The following CCNY variants were observed in gnomAD, a reference collection of about 807,000 sequenced individuals.
CCNY encodes the protein cyclin Y.
In CCNY, 19 loss-of-function variants were observed where a neutral mutation model predicts 42.8. That is an observed-to-expected ratio of 0.44 (90% CI 0.31 to 0.65). CCNY has a LOEUF of 0.65. CCNY is among the 30% of genes least tolerant of loss of function. CCNY has a pLI of 0.07. For missense variants in CCNY, 370 were observed against 437.3 expected (o/e 0.85, Z 1.37); for synonymous variants, 165 against 162.7 (o/e 1.01, Z -0.11).
chr10:35,257,971 C>T (rs1160443769), intron 3 of CCNY, among the ~76,000 whole-genome samples: 1 of 152,156 alleles, frequency 6.6e-6, no homozygotes, highest in Non-Finnish European at 1.5e-5. Flanking sequence ...TTTCCACTGT[C>T]TTTTCTTTAA....
At chr10:35,323,181 G>A (rs182602867) in intron 3 of CCNY, among the ~76,000 whole-genome samples, 30 of 152,124 alleles carry the variant, frequency 2.0e-4, no homozygotes, top group Non-Finnish European at 1.2e-4. Context: ...TGCCCGCCTC[G>A]GCCTCCCAAA....
In CCNY at chr10:35,442,829, G is replaced by A. The variant is rs2135298681; in HGVS notation, c.155-40575G>A. ...TTCTAAGAAGTGCTTTCTGAGAAAT[G>A]TCTCATTAAGTGATTTCGTCATTGT... On this transcript the variant is annotated intron_variant, in intron 1 of 9. Transcript: ENST00000374704. 2.6e-5 allele frequency among the ~76,000 whole-genome samples: 4 copies of A among 152,272 alleles called. 1 individual carries two copies. The South Asian group carries it at 8.3e-4, about 32-fold the overall frequency.
intron 8 of CCNY, among the ~76,000 whole-genome samples, chr10:35,554,309 A>AG (rs1196378059): frequency 1.3e-5 from 2 of 152,150 alleles, no homozygotes; most frequent in Non-Finnish European, 2.9e-5. Context: ...TTATGTTCTT[A>AG]GGGCATTTGT....
At chr10:35,536,222 C>T (rs1840884162) in intron 7 of CCNY, among the ~76,000 whole-genome samples, 1 of 152,120 alleles carries the variant, frequency 6.6e-6, no homozygotes, top group Non-Finnish European at 1.5e-5. Flanking sequence ...ATTTTTGCAT[C>T]CTTCTTATTT....
rs192549540 is a variant in CCNY at position 35,286,091 on chromosome 10, C to G, written c.-9+35465C>G. 6.8e-3 allele frequency among the ~76,000 whole-genome samples: 1,032 copies of G among 152,206 alleles called. 11 individuals are homozygous for G. Among genetic ancestry groups the G allele is most frequent in the African/African-American group, 0.024 (986 of 41,520 alleles). On this transcript the variant is annotated intron_variant, in intron 3 of 11. Transcript: ENST00000374706. ...TCTCTCAAAGTGCTGGGATTACAGGCGTGAACCACCACGCCTGGCCTGGAT... is the reference window on the plus strand; with the variant it reads ...TCTCTCAAAGTGCTGGGATTACAGGGGTGAACCACCACGCCTGGCCTGGAT...
intron 7 of CCNY, among the ~76,000 whole-genome samples, chr10:35,548,060 C>G (rs1169643634): frequency 6.6e-6 from 1 of 152,072 alleles, no homozygotes; most frequent in Non-Finnish European, 1.5e-5. Flanking sequence ...GGGTTAGAGG[C>G]ATGGAACCCT....
chr10:35,450,271 A>G (rs891046146), intron 1 of CCNY, among the ~76,000 whole-genome samples: 1 of 152,042 alleles, frequency 6.6e-6, no homozygotes, highest in Non-Finnish European at 1.5e-5. Context: ...GGGCTGCTCA[A>G]CTTTGAGAGC....
chr10:35,312,747 C>CCTT (rs1835702818), intron 3 of CCNY, among the ~76,000 whole-genome samples: 1 of 112,158 alleles, frequency 8.9e-6, no homozygotes, highest in African/African-American at 3.5e-5. Context: ...TTCCTTTTTA[C>CCTT]TTTTTTTTTT....
intron 1 of CCNY, among the ~76,000 whole-genome samples, chr10:35,476,152 A>G (rs941603063): frequency 2.1e-4 from 32 of 152,214 alleles, no homozygotes; most frequent in African/African-American, 7.2e-4. Flanking sequence ...TGAGTGACCT[A>G]CAAAGAGACT....
At chr10:35,493,774 G>A (rs1000455330) in intron 2 of CCNY, among the ~76,000 whole-genome samples, 1 of 152,198 alleles carries the variant, frequency 6.6e-6, no homozygotes, top group South Asian at 2.1e-4. Context: ...GAGATTGTCA[G>A]GAGGACTAAA....
chr10:35,277,811 T>G (rs1835256337), intron 3 of CCNY, among the ~76,000 whole-genome samples: 1 of 152,080 alleles, frequency 6.6e-6, no homozygotes, highest in African/African-American at 2.4e-5. Context: ...GCAGTGGTAT[T>G]CAGGGGGGAT....
At chr10:35,473,228 C>T (rs955401239) in intron 1 of CCNY, among the ~76,000 whole-genome samples, 2 of 152,192 alleles carry the variant, frequency 1.3e-5, no homozygotes, top group South Asian at 2.1e-4. Flanking sequence ...TGTCTCTGTC[C>T]CTCCCGGAGG....
intron 3 of CCNY, among the ~76,000 whole-genome samples, chr10:35,508,371 G>A (rs1223688517): frequency 1.3e-5 from 2 of 152,142 alleles, no homozygotes; most frequent in African/African-American, 2.4e-5. Context: ...TTTGATACTG[G>A]TTTTGTGTTC....
At chr10:35,494,200 A>AG (rs1839958429) in intron 2 of CCNY, among the ~76,000 whole-genome samples, 1 of 144,678 alleles carries the variant, frequency 6.9e-6, no homozygotes, top group South Asian at 2.3e-4. Context: ...GCTTGAGCCC[A>AG]GGAGTTCAAG....
chr10:35,561,538 C>T (rs1197007277), intron 8 of CCNY, among the ~76,000 whole-genome samples: 3 of 152,186 alleles, frequency 2.0e-5, no homozygotes, highest in African/African-American at 7.2e-5. Context: ...CCCGAGCTCT[C>T]CCTTGGAGCT....
At chr10:35,549,067 T>A (rs1020034395) in intron 7 of CCNY, among the ~76,000 whole-genome samples, 7 of 151,848 alleles carry the variant, frequency 4.6e-5, no homozygotes. Flanking sequence ...CAGCAAACAG[T>A]TGGGTGCCAA....
intron 1 of CCNY, among the ~76,000 whole-genome samples, chr10:35,401,618 C>T (rs1366853362): frequency 6.8e-6 from 1 of 147,588 alleles, no homozygotes; most frequent in Non-Finnish European, 1.5e-5. Context: ...CTCATGTGTG[C>T]GTGTGAAGAG....
upstream of CCNY, among the ~76,000 whole-genome samples, chr10:35,333,039 A>AT (rs111976341): frequency 4.0e-5 from 6 of 149,964 alleles, no homozygotes; most frequent in East Asian, 3.9e-4. Flanking sequence ...ATCCAGGTCA[A>AT]TTTTTTTTTT....
intron 3 of CCNY, among the ~76,000 whole-genome samples, chr10:35,284,880 A>G (rs1387699069): frequency 6.6e-6 from 1 of 152,160 alleles, no homozygotes; most frequent in Non-Finnish European, 1.5e-5. Flanking sequence ...TCCATGAACA[A>G]TTTAGAAGTG....
Sources: gnomAD v4.1 joint callset for allele counts (sites outside exome capture counted in the v4.1 genomes callset) on GRCh38, gnomAD v4.1.1 for gene constraint, MANE v1.5 for transcripts, NCBI Gene and HGNC (gene_info 2026-07-23, HGNC 2026-07-21) for gene names.